ANKH: variants seen among roughly 807,000 people sequenced by gnomAD.
The protein encoded by ANKH is mineralization regulator ANKH.
ANKH carries 15 observed loss-of-function variants against 49.0 expected under a neutral mutation model. The observed-to-expected ratio is 0.31, with a 90% CI of 0.20 to 0.47. The LOEUF is 0.47. Among genes scored for constraint, ANKH ranks in the 20% least tolerant of loss-of-function variants. ANKH has a pLI of 1.00. For missense variants in ANKH, 429 were observed against 652.0 expected (o/e 0.66, Z 3.72); for synonymous variants, 273 against 260.0 (o/e 1.05, Z -0.48).
chr5:14,818,754 A>G (rs961675767), intron 1 of ANKH, among the ~76,000 whole-genome samples: 1 of 151,822 alleles, frequency 6.6e-6, no homozygotes, highest in African/African-American at 2.4e-5. Flanking sequence ...GCCACTTCCA[A>G]TGGAAACAGC....
chr5:14,850,600 G>T, intron 1 of ANKH, among the ~76,000 whole-genome samples: 1 of 152,234 alleles, frequency 6.6e-6, no homozygotes, highest in East Asian at 1.9e-4. Flanking sequence ...ACAGAGTGTG[G>T]CAGTGCCAAC....
At chr5:14,715,776 G>A (rs1040409224) in intron 9 of ANKH, among the ~76,000 whole-genome samples, 2 of 152,302 alleles carry the variant, frequency 1.3e-5, no homozygotes, top group Non-Finnish European at 1.5e-5. Flanking sequence ...TCTGCAACCT[G>A]CTTTTCTGAT....
chr5:14,821,731 G>T (rs1741201784), intron 1 of ANKH, among the ~76,000 whole-genome samples: 1 of 152,208 alleles, frequency 6.6e-6, no homozygotes, highest in South Asian at 2.1e-4. Flanking sequence ...TATAACTGGA[G>T]TCTTTAATTT....
chr5:14,841,508 G>C (rs1352079501), intron 1 of ANKH, among the ~76,000 whole-genome samples: 1 of 152,104 alleles, frequency 6.6e-6, no homozygotes, highest in Non-Finnish European at 1.5e-5. Flanking sequence ...TGTTGGCCAG[G>C]CTGGTCTCAA....
chr5:14,720,617 G>T (rs1238829197), intron 8 of ANKH, among the ~76,000 whole-genome samples: 1 of 152,214 alleles, frequency 6.6e-6, no homozygotes, highest in Non-Finnish European at 1.5e-5. Context: ...TGAGCTAAGG[G>T]ATGACTGCCT....
At chr5:14,731,863 C>T (rs946172687) in intron 8 of ANKH, among the ~76,000 whole-genome samples, 3 of 152,226 alleles carry the variant, frequency 2.0e-5, no homozygotes, top group African/African-American at 7.2e-5. Flanking sequence ...ATGATTTCAG[C>T]AATGCATACG....
intron 2 of ANKH, among the ~76,000 whole-genome samples, chr5:14,765,297 G>C (rs1739223737): frequency 6.6e-6 from 1 of 152,218 alleles, no homozygotes; most frequent in Admixed American, 6.5e-5. Flanking sequence ...TGGGTATCTA[G>C]AGCCAGGCTA....
chr5:14,767,003 G>C (rs1296468100), intron 2 of ANKH, among the ~76,000 whole-genome samples: 1 of 152,192 alleles, frequency 6.6e-6, no homozygotes, highest in Non-Finnish European at 1.5e-5. Context: ...GCATTACTAG[G>C]AAATGAAAAT....
chr5:14,793,078 AAAATATAT>A (rs1283912736), intron 1 of ANKH, among the ~76,000 whole-genome samples: 1,350 of 79,886 alleles, frequency 0.017, 27 homozygotes, highest in African/African-American at 0.061. Flanking sequence ...TAAATATATA[AAAATATAT>A]ATATAAATAT....
rs1033189706 is a variant in ANKH at position 14,709,122 on chromosome 5, G to C, written c.*2075C>G. 2.6e-5 allele frequency: 4 copies of C among 152,184 alleles called. No individual in the cohort carries two copies. The highest frequency in any genetic ancestry group is 9.7e-5 in the African/African-American group (4 of 41,420). 9.4% of individuals were successfully genotyped at this position (152,184 alleles called of 1,614,324 possible). On this transcript the variant is annotated 3_prime_UTR_variant, in exon 12 of 12. Coordinates refer to ENST00000284268, the MANE Select transcript of ANKH (RefSeq NM_054027.6). Reference sequence around the variant, plus strand: ...TTGGCCAGGCTGGTCTCAAACTCCTGACCTTAAGTGATCCACCCTCCTTGG... The same window carrying C: ...TTGGCCAGGCTGGTCTCAAACTCCTCACCTTAAGTGATCCACCCTCCTTGG...
At chr5:14,792,987 T>TAAATATATATATATATAA (rs1740218787) in intron 1 of ANKH, among the ~76,000 whole-genome samples, 1 of 107,626 alleles carries the variant, frequency 9.3e-6, no homozygotes, top group South Asian at 2.9e-4. Flanking sequence ...TATATATATA[T>TAAATATATATATATATAA]AAAAATATAT....
chr5:14,729,874 CGCT>C (rs546144825), intron 8 of ANKH, among the ~76,000 whole-genome samples: 1 of 152,310 alleles, frequency 6.6e-6, no homozygotes, highest in African/African-American at 2.4e-5. Context: ...TCTCTGATGC[CGCT>C]GCTCTTTGTT....
intron 1 of ANKH, among the ~76,000 whole-genome samples, chr5:14,791,065 G>A (rs955205826): frequency 3.2e-4 from 49 of 152,306 alleles, no homozygotes; most frequent in African/African-American, 1.1e-3. Flanking sequence ...GACTCATAGG[G>A]AAAAACCAAT....
At chr5:14,855,936 C>T (rs1433560742) in intron 1 of ANKH, among the ~76,000 whole-genome samples, 1 of 151,280 alleles carries the variant, frequency 6.6e-6, no homozygotes, top group Non-Finnish European at 1.5e-5. Context: ...CTGCTTGCCC[C>T]TAACCAGCTG....
intron 1 of ANKH, among the ~76,000 whole-genome samples, chr5:14,782,421 A>C (rs558187435): frequency 5.3e-5 from 8 of 152,264 alleles, no homozygotes; most frequent in Admixed American, 2.0e-4. Context: ...AAATCCAGAG[A>C]GCTTGGCTTC....
rs1307523976 is a variant in ANKH at position 14,708,629 on chromosome 5, G to GTTGT, written c.*2564_*2567dup. 6.6e-6 allele frequency: 1 copy of GTTGT among 152,252 alleles called. No homozygotes were observed. Among genetic ancestry groups the GTTGT allele is most frequent in the Non-Finnish European group, 1.5e-5 (1 of 68,066 alleles). 9.4% of individuals were successfully genotyped at this position (152,252 alleles called of 1,614,324 possible). Reference sequence around the variant, plus strand: ...TGCCAGTTCTCAGTTTTGCCTCAAAGTTGTTAGGCTGTGACTTAAGCAGCC... The same window carrying GTTGT: ...TGCCAGTTCTCAGTTTTGCCTCAAAGTTGTTTGTTAGGCTGTGACTTAAGCAGCC... On this transcript the variant is annotated 3_prime_UTR_variant, in exon 12 of 12. Coordinates refer to ENST00000284268, the MANE Select transcript of ANKH (RefSeq NM_054027.6).
rs75811476 is a variant in ANKH, at chr5:14,868,708, CT to C, written c.96+2643del. The C allele has an allele frequency of 5.8e-3, 820 of 140,650 alleles. 6 individuals carry two copies. The highest frequency in any genetic ancestry group is 0.014 in the African/African-American group (529 of 38,522). The allele number at this position is 140,650 out of a possible 1,614,324, so 8.7% of individuals were successfully genotyped here. A position where few individuals can be genotyped will look rare whatever the true frequency, so the allele number is the denominator to read the frequency against. On this transcript the variant is annotated intron_variant, in intron 1 of 11. Transcript: ENST00000284268. ...ACAGGTGTGAGCTATAGCACCTGGC[CT>C]TTTTTTTTTTTTAATAGAGACGAGG...
At chr5:14,826,170 C>T (rs1741337557) in intron 1 of ANKH, among the ~76,000 whole-genome samples, 1 of 152,222 alleles carries the variant, frequency 6.6e-6, no homozygotes, top group Non-Finnish European at 1.5e-5. Context: ...ATAAAGTACA[C>T]ATTGATGTGT....
chr5:14,826,989 T>C (rs937279844), intron 1 of ANKH, among the ~76,000 whole-genome samples: 1 of 152,186 alleles, frequency 6.6e-6, no homozygotes, highest in African/African-American at 2.4e-5. Context: ...CAAAAACTCC[T>C]GACCAAACCT....
Sources: allele counts gnomAD v4.1 joint callset (sites outside exome capture counted in the v4.1 genomes callset), GRCh38; gene constraint gnomAD v4.1.1; transcripts MANE v1.5; gene names NCBI Gene and HGNC (gene_info 2026-07-23, HGNC 2026-07-21).